The following RBPJ variants were observed in gnomAD, a reference collection of about 807,000 sequenced individuals.
RBPJ encodes the protein recombining binding protein suppressor of hairless.
In RBPJ, 9 loss-of-function variants were observed where a neutral mutation model predicts 67.8. The ratio of observed to expected loss-of-function variants is 0.13; its 90% CI spans 0.08 to 0.23. The LOEUF is 0.23. Among genes scored for constraint, RBPJ ranks in the 10% least tolerant of loss-of-function variants. The pLI is 1.00. For synonymous variants in RBPJ, 198 were observed against 203.3 expected (o/e 0.97, Z 0.22); for missense variants, 305 against 595.6 (o/e 0.51, Z 5.08).
At chr4:26,108,343 C>A in the RBPJ span, among the ~76,000 whole-genome samples, 1 of 152,222 alleles carries the variant, frequency 6.6e-6, no homozygotes, top group South Asian at 2.1e-4. Flanking sequence ...TTCCCACTCT[C>A]TTCCTGGAAG....
chr4:26,396,497 A>G (rs1412644368), intron 2 of RBPJ, among the ~76,000 whole-genome samples: 2 of 152,238 alleles, frequency 1.3e-5, no homozygotes. Context: ...ATACTATTTT[A>G]TGTTCTCAGA....
chr4:26,415,586 T>C lies in RBPJ; in HGVS notation c.267T>C (p.Phe89=), dbSNP rs755948019. 1.9e-6 allele frequency: 3 copies of C among 1,612,050 alleles called. No homozygotes were observed. In the African/African-American group the frequency reaches 4.0e-5, roughly 22 times the overall value. ...AACAAGAGTCTCAACCGTGTGCATT[T>C]ATTGGGATAGGAAATAGTGACCAAG... ...CSEQESQPCA[F]IGIGNSDQEM... Residue 89 remains phenylalanine (F), a synonymous_variant, in exon 4 of 11, where the codon TTT becomes TTC. Transcript: ENST00000355476.
chr4:26,275,232 T>G (rs1721039503), intron 1 of RBPJ, among the ~76,000 whole-genome samples: 1 of 152,208 alleles, frequency 6.6e-6, no homozygotes, highest in South Asian at 2.1e-4. Flanking sequence ...TGCTGTCCCC[T>G]GACTTCTGCT....
the RBPJ span, among the ~76,000 whole-genome samples, chr4:26,140,120 T>C: frequency 6.6e-6 from 1 of 152,182 alleles, no homozygotes; most frequent in African/African-American, 2.4e-5. Flanking sequence ...AGTGAACTCA[T>C]ATGGATAAAA....
chr4:26,284,949 C>T (rs1220570276), intron 1 of RBPJ, among the ~76,000 whole-genome samples: 4 of 151,782 alleles, frequency 2.6e-5, no homozygotes, highest in Non-Finnish European at 4.4e-5. Context: ...CTCCACCTCC[C>T]GGGTTCAAGT....
At chr4:26,165,505 G>C (rs1716239284) in intron 1 of RBPJ, among the ~76,000 whole-genome samples, 1 of 152,052 alleles carries the variant, frequency 6.6e-6, no homozygotes, top group South Asian at 2.1e-4. Flanking sequence ...AAGATGGCCA[G>C]AAAAATGGAT....
At chr4:26,285,691 A>G (rs924160501) in intron 1 of RBPJ, among the ~76,000 whole-genome samples, 1 of 151,192 alleles carries the variant, frequency 6.6e-6, no homozygotes, top group Non-Finnish European at 1.5e-5. Context: ...AAAAAAAAAA[A>G]AAAAAAAAAA....
chr4:26,227,344 T>C (rs1419994879), intron 1 of RBPJ, among the ~76,000 whole-genome samples: 1 of 152,208 alleles, frequency 6.6e-6, no homozygotes, highest in African/African-American at 2.4e-5. Context: ...ACCCGGCTAG[T>C]TGCCCAACAT....
rs1173498137 is a variant in RBPJ at position 26,178,607 on chromosome 4, CAAAAAAA to C, written c.-167+15009_-167+15015del. ...TGGGTGACAGAGCAAGACCCCGTATCAAAAAAAAAAAAAAAAAAAAAAGAAGTCCCAG... is the reference window on the plus strand; with the variant it reads ...TGGGTGACAGAGCAAGACCCCGTATCAAAAAAAAAAAAAAAGAAGTCCCAG... On this transcript the variant is annotated intron_variant, in intron 1 of 4. Transcript: ENST00000512351. Among the ~76,000 whole-genome samples, 106 of 58,732 alleles carry C rather than the reference CAAAAAAA, an allele frequency of 1.8e-3. 3 individuals carry two copies. In the South Asian group the frequency reaches 0.061, roughly 34 times the overall value. The allele number at this position is 58,732 out of a possible 152,430, so 38.5% of individuals were successfully genotyped here.
the RBPJ span, among the ~76,000 whole-genome samples, chr4:26,131,303 C>T: frequency 7.2e-5 from 11 of 152,260 alleles, no homozygotes; most frequent in African/African-American, 2.4e-4. Context: ...GCAGTCACAT[C>T]CCTGCATCAT....
chr4:26,369,103 T>C (rs1169151575), intron 1 of RBPJ, among the ~76,000 whole-genome samples: 3 of 152,236 alleles, frequency 2.0e-5, no homozygotes, highest in Non-Finnish European at 2.9e-5. Flanking sequence ...GCCAAATGAA[T>C]GAACTTTTGA....
At chr4:26,349,091 C>CGT (rs1577493203) in intron 1 of RBPJ, among the ~76,000 whole-genome samples, 4 of 137,356 alleles carry the variant, frequency 2.9e-5, no homozygotes, top group Non-Finnish European at 4.8e-5. Context: ...TGTGTGTGCG[C>CGT]GCGCGCACGC....
chr4:26,315,290 A>T (rs1474670721), upstream of RBPJ, among the ~76,000 whole-genome samples: 3 of 150,672 alleles, frequency 2.0e-5, no homozygotes, highest in African/African-American at 7.4e-5. Flanking sequence ...GGTCTGAGAA[A>T]TAAAGAGAAA....
intron 1 of RBPJ, among the ~76,000 whole-genome samples, chr4:26,249,342 C>T (rs775596645): frequency 6.6e-6 from 1 of 152,108 alleles, no homozygotes; most frequent in Non-Finnish European, 1.5e-5. Flanking sequence ...ATGTTAGAAC[C>T]TAATCTCCAA....
In RBPJ at chr4:26,214,969, AG is replaced by A. The variant is rs1170225941; in HGVS notation, c.-167+51358del. 4.7e-3 allele frequency among the ~76,000 whole-genome samples: 123 copies of A among 25,918 alleles called. 1 individual carries two copies. The highest frequency in any genetic ancestry group is 6.5e-3 in the African/African-American group (22 of 3,384). The allele number at this position is 25,918 out of a possible 152,430, so 17.0% of individuals were successfully genotyped here. A position where few individuals can be genotyped will look rare whatever the true frequency, so the allele number is the denominator to read the frequency against. ...GAAGGACGGAAGGAAGGAGGGAGGG[AG>A]GGAGGGAAGGAAGGAGGGAGGGAGG... On this transcript the variant is annotated intron_variant, in intron 1 of 4. Coordinates refer to the RBPJ transcript ENST00000512351.
chr4:26,139,282 A>C, the RBPJ span, among the ~76,000 whole-genome samples: 1 of 152,208 alleles, frequency 6.6e-6, no homozygotes, highest in Non-Finnish European at 1.5e-5. Context: ...GTTCATGTTA[A>C]GTGCTTAGTG....
intron 3 of RBPJ, among the ~76,000 whole-genome samples, chr4:26,413,248 T>G (rs1196556771): frequency 6.6e-6 from 1 of 152,198 alleles, no homozygotes; most frequent in Non-Finnish European, 1.5e-5. Flanking sequence ...GTGGAAATGC[T>G]CTTGCCCCAG....
At chr4:26,312,821 C>T (rs542185492) in intron 1 of RBPJ, among the ~76,000 whole-genome samples, 1 of 152,306 alleles carries the variant, frequency 6.6e-6, no homozygotes, top group East Asian at 1.9e-4. Flanking sequence ...TGATGCCTGA[C>T]CTGCAGTGGT....
intron 2 of RBPJ, among the ~76,000 whole-genome samples, chr4:26,388,969 C>G (rs1731209648): frequency 6.6e-6 from 1 of 152,156 alleles, no homozygotes; most frequent in African/African-American, 2.4e-5. Context: ...CGCCTGTAAT[C>G]CCAGTACTTT....
Sources: allele counts gnomAD v4.1 joint callset (sites outside exome capture counted in the v4.1 genomes callset), GRCh38; gene constraint gnomAD v4.1.1; transcripts MANE v1.5; gene names NCBI Gene and HGNC (gene_info 2026-07-23, HGNC 2026-07-21).